MCHR2: variants seen among roughly 807,000 people sequenced by gnomAD.
MCHR2 encodes melanin-concentrating hormone receptor 2.
MCHR2 carries 15 observed loss-of-function variants against 24.8 expected under a neutral mutation model. That is an observed-to-expected ratio of 0.60 (90% CI 0.40 to 0.93). MCHR2 has a LOEUF of 0.93. Among genes scored for constraint, MCHR2 ranks in the 40% least tolerant of loss-of-function variants. MCHR2 has a pLI of 0.00. For missense variants in MCHR2, 386 were observed against 408.7 expected, an observed-to-expected ratio of 0.94 and a Z score of 0.48; for synonymous variants, 151 against 147.6, an observed-to-expected ratio of 1.02 and a Z score of -0.17.
intron 1 of MCHR2, among the ~76,000 whole-genome samples, chr6:99,966,399 G>A (rs186337369): frequency 6.3e-4 from 96 of 152,240 alleles, no homozygotes; most frequent in South Asian, 1.2e-3. Context: ...TGTCATATTT[G>A]TAAGAAATTT....
At chr6:99,931,877 G>A (rs1469353707) in intron 5 of MCHR2, among the ~76,000 whole-genome samples, 1 of 152,152 alleles carries the variant, frequency 6.6e-6, no homozygotes, top group Admixed American at 6.5e-5. Flanking sequence ...ACTCCCTAGT[G>A]AGATGGACCC....
rs566219136 is a variant in MCHR2 at position 99,944,737 on chromosome 6, A to G, written c.393-1594T>C. On this transcript the variant is annotated intron_variant, in intron 3 of 5. Transcript: ENST00000281806. ...TATAGGATGAGGAAGTCATGGGATC[A>G]AGCAATTAAGGAATCTTCTCTGATA... 5.9e-5 allele frequency among the ~76,000 whole-genome samples: 9 copies of G among 152,264 alleles called. No homozygotes were observed. The South Asian group carries it at 1.4e-3, about 25-fold the overall frequency.
intron 5 of MCHR2, among the ~76,000 whole-genome samples, chr6:99,927,858 A>G (rs1035169548): frequency 1.3e-5 from 2 of 152,142 alleles, no homozygotes; most frequent in African/African-American, 4.8e-5. Flanking sequence ...CCCTGGCCAG[A>G]ACTTCCAACA....
chr6:99,930,927 A>T lies in MCHR2; in HGVS notation c.707+3471T>A, dbSNP rs370566467. The stretch of plus-strand genomic sequence containing the variant: ...GGAGGAGAGGCGCTCTGCTTTTTAG[A>T]GTTTCCAGTTTTTCTGCTCTGTTTT... On this transcript the variant is annotated intron_variant, in intron 5 of 5. Coordinates refer to ENST00000281806, the MANE Select transcript of MCHR2 (RefSeq NM_001040179.2). Among the ~76,000 whole-genome samples the T allele has an allele frequency of 4.8e-4, 73 of 152,102 alleles. 2 individuals carry two copies. In the South Asian group the frequency reaches 0.015, roughly 32 times the overall value.
chr6:99,963,842 A>C (rs766168418), intron 1 of MCHR2, among the ~76,000 whole-genome samples: 25 of 152,120 alleles, frequency 1.6e-4, no homozygotes, highest in Non-Finnish European at 2.9e-4. Flanking sequence ...AAGAAAGCCG[A>C]AAGTCAAGTC....
chr6:99,954,867 C>T (rs1032362967), intron 2 of MCHR2, among the ~76,000 whole-genome samples: 4 of 152,082 alleles, frequency 2.6e-5, no homozygotes, highest in Admixed American at 2.6e-4. Flanking sequence ...CAAAATATTA[C>T]ATAAAATTAC....
chr6:99,922,707 G>T (rs573738611), intron 5 of MCHR2, among the ~76,000 whole-genome samples: 7 of 152,152 alleles, frequency 4.6e-5, no homozygotes, highest in Non-Finnish European at 8.8e-5. Context: ...TTGTAGGTGT[G>T]TGAATTTGTT....
rs1774163679 is a variant in MCHR2 at position 99,918,532 on chromosome 6, A to G, written c.*2408T>C. 6.6e-6 allele frequency among the ~76,000 whole-genome samples: 1 copy of G among 152,208 alleles called. No individual in the cohort carries two copies. Among genetic ancestry groups the G allele is most frequent in the African/African-American group, 2.4e-5 (1 of 41,454 alleles). ...ATACATAAGCAATTTTTACTCATTC[A>G]TTTTTATTAATTGAGATCAAAGTTT... is the stretch of plus-strand genomic sequence containing the variant. On this transcript the variant is annotated 3_prime_UTR_variant, in exon 6 of 6. Transcript: ENST00000281806.
intron 1 of MCHR2, among the ~76,000 whole-genome samples, chr6:99,990,333 T>C (rs1775849184): frequency 6.6e-6 from 1 of 152,242 alleles, no homozygotes; most frequent in African/African-American, 2.4e-5. Context: ...AACAAGTGGT[T>C]TCTATCTGTC....
intron 5 of MCHR2, among the ~76,000 whole-genome samples, chr6:99,924,499 G>C (rs995734913): frequency 1.3e-5 from 2 of 151,874 alleles, no homozygotes; most frequent in African/African-American, 4.8e-5. Context: ...TTATTAGACT[G>C]TTTATTTGAC....
At chr6:99,933,676 T>C (rs911324906) in intron 5 of MCHR2, among the ~76,000 whole-genome samples, 1 of 152,102 alleles carries the variant, frequency 6.6e-6, no homozygotes, top group Non-Finnish European at 1.5e-5. Flanking sequence ...AAATTTGTAG[T>C]GTGCAGGGAA....
chr6:99,963,732 A>G (rs1256948192), intron 1 of MCHR2, among the ~76,000 whole-genome samples: 1 of 152,128 alleles, frequency 6.6e-6, no homozygotes, highest in Non-Finnish European at 1.5e-5. Context: ...TGCAGAGTTT[A>G]CTGGTTCATG....
intron 1 of MCHR2, among the ~76,000 whole-genome samples, chr6:99,977,212 C>CA (rs1775567965): frequency 6.6e-6 from 1 of 152,164 alleles, no homozygotes; most frequent in Admixed American, 6.5e-5. Context: ...TTAGCATGTT[C>CA]AAAATCTCCT....
At chr6:99,922,790 A>G (rs1260804732) in intron 5 of MCHR2, among the ~76,000 whole-genome samples, 1 of 152,136 alleles carries the variant, frequency 6.6e-6, no homozygotes, top group Non-Finnish European at 1.5e-5. Flanking sequence ...TTTGGTTACC[A>G]TAGATCTGTA....
At chr6:99,968,234 G>A (rs895047748) in intron 1 of MCHR2, among the ~76,000 whole-genome samples, 1 of 152,132 alleles carries the variant, frequency 6.6e-6, no homozygotes, top group Non-Finnish European at 1.5e-5. Context: ...TGAGGTTAAG[G>A]CTCTCAGTTG....
chr6:99,958,292 C>A (rs1052187518), intron 1 of MCHR2, among the ~76,000 whole-genome samples: 11 of 132,624 alleles, frequency 8.3e-5, no homozygotes, highest in East Asian at 2.7e-4. Flanking sequence ...AATGGAAAAA[C>A]CAATCTCACC....
chr6:99,959,025 G>T (rs1029143751), intron 1 of MCHR2, among the ~76,000 whole-genome samples: 8 of 152,130 alleles, frequency 5.3e-5, no homozygotes, highest in Admixed American at 4.6e-4. Flanking sequence ...CTGCTTGGCA[G>T]TATCTTCCTT....
chr6:99,934,512 G>A lies in MCHR2; in HGVS notation c.593C>T (p.Thr198Ile). The A allele has an allele frequency of 6.3e-7, 1 of 1,582,020 alleles. No homozygotes were observed. Among genetic ancestry groups the A allele is most frequent in the South Asian group, 1.2e-5 (1 of 85,262 alleles). Residue 198 changes from threonine (T) to isoleucine (I), a missense_variant, in exon 5 of 6, where the codon ACA (threonine) becomes ATA (isoleucine). Thr to Ile is a moderately conservative substitution (Grantham distance 89). Transcript: ENST00000281806. ...AAAAGTTGTTATCGTCAAATAAAGT[G>A]TATACCTGTAAAATGAGAGAGAGAA... ...LTSPDDVLWY[T>I]LYLTITTFFF...
At chr6:99,958,713 C>T (rs965771609) in intron 1 of MCHR2, among the ~76,000 whole-genome samples, 3 of 152,160 alleles carry the variant, frequency 2.0e-5, no homozygotes, top group African/African-American at 7.2e-5. Context: ...AAGCCAGCTA[C>T]ATCAAAGCCA....
Sources: gnomAD v4.1 joint callset for allele counts (sites outside exome capture counted in the v4.1 genomes callset) on GRCh38, gnomAD v4.1.1 for gene constraint, MANE v1.5 for transcripts, NCBI Gene and HGNC (gene_info 2026-07-23, HGNC 2026-07-21) for gene names.